Variants in ZYG11B observed in about 807,000 individuals in gnomAD.
ZYG11B encodes the protein zyg-11 family member B, cell cycle regulator.
Under a neutral mutation model 82.4 loss-of-function variants are expected in ZYG11B, and 36 were observed. The observed-to-expected ratio is 0.44, with a 90% CI of 0.33 to 0.58. The LOEUF (loss-of-function observed/expected upper bound fraction) is 0.58, where lower values mean the gene tolerates loss of function less well. ZYG11B is among the 20% of genes least tolerant of loss of function. The pLI, the probability that ZYG11B is intolerant of heterozygous loss-of-function variation, is 0.02. For synonymous variants in ZYG11B, 303 were observed against 312.8 expected (o/e 0.97, Z 0.33); for missense variants, 552 against 895.6 (o/e 0.62, Z 4.90).
chr1:52,769,990 C>T (rs969683265), intron 2 of ZYG11B, among the ~76,000 whole-genome samples: 3 of 148,772 alleles, frequency 2.0e-5, no homozygotes, highest in South Asian at 4.3e-4. Flanking sequence ...AGGTAGATCT[C>T]GAAGGCACTT....
intron 5 of ZYG11B, among the ~76,000 whole-genome samples, chr1:52,789,471 G>A (rs1644937972): frequency 6.6e-6 from 1 of 151,974 alleles, no homozygotes; most frequent in Non-Finnish European, 1.5e-5. Context: ...TTATGATGGT[G>A]CACCTTGACT....
At chr1:52,776,229 A>AAAAAAAAAAAAAAAAAAAATATATATAT in intron 3 of ZYG11B, among the ~76,000 whole-genome samples, 8 of 23,536 alleles carry the variant, frequency 3.4e-4, no homozygotes, top group African/African-American at 7.6e-4. Flanking sequence ...TAAAAAAAAA[A>AAAAAAAAAAAAAAAAAAAATATATATAT]ATATATATAT....
At chr1:52,776,394 C>A (rs989760025) in intron 3 of ZYG11B, among the ~76,000 whole-genome samples, 33 of 149,578 alleles carry the variant, frequency 2.2e-4, no homozygotes, top group African/African-American at 8.1e-4. Context: ...TTTAGCCGGG[C>A]ATGGTGACAG....
chr1:52,783,914 A>G (rs1326468930), intron 4 of ZYG11B, among the ~76,000 whole-genome samples: 14,218 of 117,120 alleles, frequency 0.12, 2,213 homozygotes, highest in East Asian at 0.4. Flanking sequence ...ATATACATCT[A>G]TACATATATG....
At chr1:52,768,080 A>G (rs1644714066) in intron 2 of ZYG11B, among the ~76,000 whole-genome samples, 1 of 152,140 alleles carries the variant, frequency 6.6e-6, no homozygotes, top group South Asian at 2.1e-4. Flanking sequence ...CCCTATTGGC[A>G]TTTGCTGGCA....
At chr1:52,741,315 A>AAAAAAAAAAAAAAAAG (rs1553257617) in intron 1 of ZYG11B, among the ~76,000 whole-genome samples, 2 of 142,666 alleles carry the variant, frequency 1.4e-5, no homozygotes, top group African/African-American at 5.7e-5. Flanking sequence ...AAAAAAAAAA[A>AAAAAAAAAAAAAAAAG]AAAAGAAAAG....
At chr1:52,800,461 A>T (rs1645066864) in intron 8 of ZYG11B, among the ~76,000 whole-genome samples, 1 of 152,042 alleles carries the variant, frequency 6.6e-6, no homozygotes, top group South Asian at 2.1e-4. Context: ...TGGTATCTTC[A>T]AAGGTTTTTT....
At chr1:52,781,354 C>G (rs1342451303) in intron 4 of ZYG11B, among the ~76,000 whole-genome samples, 1 of 151,974 alleles carries the variant, frequency 6.6e-6, no homozygotes, top group Non-Finnish European at 1.5e-5. Context: ...CAAAAATTAG[C>G]CAGCTGTGGT....
chr1:52,757,181 T>C (rs1644585743), intron 2 of ZYG11B, among the ~76,000 whole-genome samples: 1 of 152,018 alleles, frequency 6.6e-6, no homozygotes, highest in Non-Finnish European at 1.5e-5. Context: ...CTAATTTTTT[T>C]ATTTTTATTT....
intron 2 of ZYG11B, among the ~76,000 whole-genome samples, chr1:52,757,520 C>T (rs1319623482): frequency 6.6e-6 from 1 of 151,854 alleles, no homozygotes; most frequent in Non-Finnish European, 1.5e-5. Flanking sequence ...TACTAAAATA[C>T]AAAAATTAGC....
chr1:52,729,368 CTT>C (rs1264676623), intron 1 of ZYG11B, among the ~76,000 whole-genome samples: 1 of 152,098 alleles, frequency 6.6e-6, no homozygotes, highest in African/African-American at 2.4e-5. Flanking sequence ...ATGTTTTAAA[CTT>C]TGCATCTAAT....
chr1:52,793,842 GTTTC>G (rs934606411), intron 6 of ZYG11B, among the ~76,000 whole-genome samples: 2 of 129,022 alleles, frequency 1.6e-5, no homozygotes, highest in Non-Finnish European at 3.1e-5. Context: ...CCTCGGACAG[GTTTC>G]TTTCTTTCTT....
chr1:52,780,207 T>C (rs1263260283), intron 4 of ZYG11B, among the ~76,000 whole-genome samples: 1 of 152,212 alleles, frequency 6.6e-6, no homozygotes, highest in Non-Finnish European at 1.5e-5. Context: ...GCAATATAAA[T>C]GTCTTGTAGT....
intron 8 of ZYG11B, among the ~76,000 whole-genome samples, chr1:52,799,254 G>A (rs1380231483): frequency 3.3e-5 from 5 of 152,166 alleles, no homozygotes; most frequent in African/African-American, 1.2e-4. Flanking sequence ...CTGGGAGGCC[G>A]AGGCGGGTGG....
intron 1 of ZYG11B, among the ~76,000 whole-genome samples, chr1:52,738,302 C>G (rs1644394939): frequency 6.6e-6 from 1 of 152,110 alleles, no homozygotes; most frequent in Non-Finnish European, 1.5e-5. Flanking sequence ...CCTCAGCCTC[C>G]TAAGTGGCTG....
At chr1:52,773,628 T>TATATATATATATATATATATATA (rs59444202) in intron 3 of ZYG11B, among the ~76,000 whole-genome samples, 4 of 13,188 alleles carry the variant, frequency 3.0e-4, no homozygotes, top group African/African-American at 7.2e-4. Flanking sequence ...TATATATATA[T>TATATATATATATATATATATATA]TTTTTTTTTT....
At chr1:52,808,404 G>C (rs1645158827) in intron 10 of ZYG11B, among the ~76,000 whole-genome samples, 1 of 152,088 alleles carries the variant, frequency 6.6e-6, no homozygotes, top group African/African-American at 2.4e-5. Flanking sequence ...TAACAATTTT[G>C]AATATTTGAT....
chr1:52,799,696 A>G (rs1271321756), intron 8 of ZYG11B, among the ~76,000 whole-genome samples: 1 of 150,784 alleles, frequency 6.6e-6, no homozygotes, highest in African/African-American at 2.4e-5. Context: ...TCAAGAGGCT[A>G]AGGCAGGAGA....
At position 52,756,465 on chromosome 1, in the gene ZYG11B, C is replaced by T. The variant is rs763082713; in HGVS notation, c.38C>T (p.Ala13Val). 2 of 1,609,472 alleles carry T rather than the reference C, an allele frequency of 1.2e-6. No homozygotes were observed. Among genetic ancestry groups the T allele is most frequent in the Non-Finnish European group, 1.7e-6 (2 of 1,177,564 alleles). The change falls in exon 2 of 14, where the codon GCG becomes GTG. Residue 13 changes from alanine (A) to valine (V), a missense_variant. Physicochemically the swap from Ala to Val is moderately conservative, Grantham distance 64. Around this residue, in one of 3 missense-constraint regions of ZYG11B, gnomAD observed 359 missense variants for 555.8 expected, o/e 0.65. Coordinates refer to ENST00000294353, the MANE Select transcript of ZYG11B (RefSeq NM_024646.3). ...TTTTCCCTGGGCTCCAAGGAGGAGG[C>T]GTCTCCCTATTCCTTACTTGATATC... is the stretch of plus-strand genomic sequence containing the variant. ...EDQAGAAMEE[A>V]SPYSLLDICL...
Sources: allele counts gnomAD v4.1 joint callset (sites outside exome capture counted in the v4.1 genomes callset), GRCh38; gene constraint gnomAD v4.1.1; regional missense constraint gnomAD v4.1.1; transcripts MANE v1.5; gene names NCBI Gene and HGNC (gene_info 2026-07-23, HGNC 2026-07-21).